The following ALG6 variants were observed in gnomAD, a reference collection of about 807,000 sequenced individuals.
ALG6 encodes the protein dolichyl pyrophosphate Man9GlcNAc2 alpha-1,3-glucosyltransferase.
A neutral mutation model predicts 66.6 loss-of-function variants in ALG6; 46 were observed. The ratio of observed to expected loss-of-function variants is 0.69; its 90% CI spans 0.55 to 0.88. The LOEUF is 0.88. Ranked by LOEUF, ALG6 falls within the 40% of genes least tolerant of loss-of-function variation. The probability of loss-of-function intolerance (pLI) is 0.00; values close to 1 mark genes in which losing one functional copy is unlikely to be tolerated. For synonymous variants in ALG6, 185 were observed against 203.7 expected (o/e 0.91, Z 0.78); for missense variants, 505 against 586.8 (o/e 0.86, Z 1.44).
Position 63,382,665 on chromosome 1 carries a change from GTTT to G in ALG6, c.82+11617_82+11619del, listed in dbSNP as rs59236936. ...AGTTTTTTTTTGTTTGTTTTTTTTT[GTTT>G]TTTTTTTTTTGTTTTTTTTTTTTTT... On this transcript the variant is annotated intron_variant, in intron 2 of 14. Coordinates refer to ENST00000263440, the MANE Select transcript of ALG6 (RefSeq NM_013339.4). Among the ~76,000 whole-genome samples the G allele has an allele frequency of 1.7e-4, 16 of 93,596 alleles. 1 individual carries two copies. The highest frequency in any genetic ancestry group is 9.2e-4 in the South Asian group (3 of 3,260). The allele number at this position is 93,596 out of a possible 152,430, so 61.4% of individuals were successfully genotyped here.
At chr1:63,404,403 G>C in intron 4 of ALG6, 50 bp from the exon 5 acceptor site, 1 of 1,397,238 alleles carries the variant, frequency 7.2e-7, no homozygotes, top group Non-Finnish European at 1.0e-6. Flanking sequence ...TATCTTTATT[G>C]CTAAAAGGGA....
chr1:63,382,002 T>A (rs141521718), intron 2 of ALG6, among the ~76,000 whole-genome samples: 1 of 152,140 alleles, frequency 6.6e-6, no homozygotes, highest in South Asian at 2.1e-4. Flanking sequence ...AGCCTCCCAA[T>A]AGAAATGCAT....
At chr1:63,436,332 T>G (rs1445664571) in intron 14 of ALG6, among the ~76,000 whole-genome samples, 3 of 152,176 alleles carry the variant, frequency 2.0e-5, no homozygotes, top group Non-Finnish European at 4.4e-5. Context: ...CTAGCTATTT[T>G]AAAATGTACA....
chr1:63,436,720 C>T, intron 14 of ALG6, 103 bp from the exon 15 acceptor site: 1 of 1,137,882 alleles, frequency 8.8e-7, no homozygotes, highest in Non-Finnish European at 1.3e-6. Flanking sequence ...AGACCCTCAA[C>T]CCTCACCTTT....
chr1:63,422,634 T>C (rs1349018891), intron 12 of ALG6, among the ~76,000 whole-genome samples: 1 of 151,314 alleles, frequency 6.6e-6, no homozygotes, highest in Non-Finnish European at 1.5e-5. Flanking sequence ...GGTGGAGCAA[T>C]GCACGGAGAA....
rs931596212 is a variant in ALG6 at position 63,378,025 on chromosome 1, T to G, written c.82+6966T>G. 2.2e-4 allele frequency among the ~76,000 whole-genome samples: 33 copies of G among 152,238 alleles called. 1 individual carries two copies. Among genetic ancestry groups the G allele is most frequent in the Admixed American group, 9.8e-4 (15 of 15,282 alleles). ...CCCGAAGTGCTGGGATGACAGGTTG[T>G]GAGCCACTGTGCCCTGCATATTTAT... On this transcript the variant is annotated intron_variant, in intron 2 of 14. Coordinates refer to ENST00000263440, the MANE Select transcript of ALG6 (RefSeq NM_013339.4).
At position 63,438,285 on chromosome 1, in the gene ALG6, G is replaced by A. The variant is rs1360716572; in HGVS notation, c.*1265G>A. The A allele has an allele frequency of 6.6e-6, 1 of 152,172 alleles. No homozygotes were observed. Among genetic ancestry groups the A allele is most frequent in the East Asian group, 1.9e-4 (1 of 5,192 alleles). The allele number at this position is 152,172 out of a possible 1,614,324, so 9.4% of individuals were successfully genotyped here. Reference sequence around the variant, plus strand: ...ATGTGCATAAAGACTCAAAGGGCAGGTCAACGCAGAATAGCAGCCTTGAAT... The same window carrying A: ...ATGTGCATAAAGACTCAAAGGGCAGATCAACGCAGAATAGCAGCCTTGAAT... On this transcript the variant is annotated 3_prime_UTR_variant, in exon 15 of 15. Transcript: ENST00000263440.
chr1:63,420,962 T>A (rs546722478), intron 12 of ALG6, among the ~76,000 whole-genome samples: 1 of 152,162 alleles, frequency 6.6e-6, no homozygotes, highest in African/African-American at 2.4e-5. Flanking sequence ...TTGAGTGCCT[T>A]CTATTTATCA....
chr1:63,436,844 A>G lies in ALG6; in HGVS notation c.1348A>G (p.Met450Val), dbSNP rs769923186. The change falls in exon 15 of 15, where the codon ATG becomes GTG. Residue 450 changes from methionine to valine, a missense_variant. Met to Val is a conservative substitution (Grantham distance 21). Transcript: ENST00000263440. The stretch of plus-strand genomic sequence containing the variant: ...GCAGTTTCTTATCTCAGTCATCACT[A>G]TGGTGCTTCTGACGTTGATGACTGT... ...QYLFLISVIT[M>V]VLLTLMTVTL... 1.2e-6 allele frequency: 2 copies of G among 1,613,788 alleles called. No homozygotes were observed. The highest frequency in any genetic ancestry group is 2.2e-5 in the South Asian group (2 of 91,086).
At chr1:63,388,770 T>A (rs375614508) in intron 2 of ALG6, among the ~76,000 whole-genome samples, 14 of 152,328 alleles carry the variant, frequency 9.2e-5, no homozygotes, top group African/African-American at 2.2e-4. Context: ...GTTGATGAAA[T>A]CCCTCAGCGT....
chr1:63,402,385 C>T lies in ALG6; in HGVS notation c.257+42C>T, dbSNP rs191513984. ...TAATGTAACTCTAAATTTTTATGCC[C>T]TTGGCAGATTTAGTAAGAAGCAGTG... is the stretch of plus-strand genomic sequence containing the variant. On this transcript the variant is annotated intron_variant, in intron 4 of 14. Transcript: ENST00000263440. 2.8e-4 allele frequency: 382 copies of T among 1,362,866 alleles called. 2 individuals carry two copies. In the African/African-American group the frequency reaches 4.9e-3, roughly 17 times the overall value. The allele number at this position is 1,362,866 out of a possible 1,614,324, so 84.4% of individuals were successfully genotyped here.
Position 63,396,584 on chromosome 1 carries a change from C to G in ALG6, c.154C>G (p.Pro52Ala). The G allele has an allele frequency of 1.2e-6, 2 of 1,613,114 alleles. No homozygotes were observed. Among genetic ancestry groups the G allele is most frequent in the Non-Finnish European group, 1.7e-6 (2 of 1,179,242 alleles). ...CTGGCAAGAAATAACTTTTAATTTA[C>G]CGGTCAAACAATGGTATGATAATTT... is the stretch of plus-strand genomic sequence containing the variant. ...RHWQEITFNL[P>A]VKQWYFNSSD... The change falls in exon 3 of 15, where the codon CCG becomes GCG. Residue 52 changes from proline (P) to alanine (A), a missense_variant. Transcript: ENST00000263440.
At chr1:63,408,127 T>A (rs1255428581) in intron 7 of ALG6, among the ~76,000 whole-genome samples, 1 of 152,124 alleles carries the variant, frequency 6.6e-6, no homozygotes, top group Non-Finnish European at 1.5e-5. Flanking sequence ...AATAGAACAT[T>A]ACTAGTATCC....
At chr1:63,374,656 T>C (rs951902689) in intron 2 of ALG6, among the ~76,000 whole-genome samples, 3 of 151,912 alleles carry the variant, frequency 2.0e-5, no homozygotes, top group Non-Finnish European at 4.4e-5. Flanking sequence ...CTTGTGAGGA[T>C]TGAGATAATA....
chr1:63,395,350 T>G (rs1318402277), intron 2 of ALG6, among the ~76,000 whole-genome samples: 3 of 152,232 alleles, frequency 2.0e-5, no homozygotes, highest in African/African-American at 7.2e-5. Flanking sequence ...TTTTAACATA[T>G]AGTCTGTTTT....
Position 63,429,057 on chromosome 1 carries a change from A to G in ALG6, c.1257A>G (p.Lys419=). 6.2e-7 allele frequency: 1 copy of G among 1,606,098 alleles called. No individual in the cohort carries two copies. The highest frequency in any genetic ancestry group is 1.3e-5 in the African/African-American group (1 of 74,682). ...CTTCTGAAGAAGAACTGCAGTTGAA[A>G]TCCTTTTCCATTTCTGTGAGGAAAT... The part of the protein sequence containing the change: ...EKTSEEELQL[K]SFSISVRKYL... Residue 419 remains lysine, a synonymous_variant, in exon 14 of 15, where the codon AAA becomes AAG. Coordinates refer to ENST00000263440, the MANE Select transcript of ALG6 (RefSeq NM_013339.4).
chr1:63,418,231 T>G (rs1490692122), intron 11 of ALG6, among the ~76,000 whole-genome samples: 1 of 150,628 alleles, frequency 6.6e-6, no homozygotes, highest in East Asian at 1.9e-4. Context: ...TAGAGAAGGT[T>G]TCTATAGTTT....
rs372079206 is a variant in ALG6 at position 63,411,331 on chromosome 1, G to A, written c.680G>A (p.Gly227Glu). The A allele has an allele frequency of 1.2e-5, 19 of 1,612,960 alleles. No individual in the cohort carries two copies. The highest frequency in any genetic ancestry group is 2.7e-5 in the African/African-American group (2 of 74,814). Reference sequence around the variant, plus strand: ...TTTAAAAAAGGCCTCAAAGGAAAGGGGTGAGTGACTTTTAAACACTAGAAT... The same window carrying A: ...TTTAAAAAAGGCCTCAAAGGAAAGGAGTGAGTGACTTTTAAACACTAGAAT... ...KCFKKGLKGK[G>E]FVLLVKLACI... is the part of the protein sequence containing the mutation. The change falls in exon 8 of 15, where the codon GGG becomes GAG. Residue 227 changes from glycine (G) to glutamate (E), a missense_variant and splice_region_variant. Gly to Glu is a moderately conservative substitution (Grantham distance 98). Coordinates refer to ENST00000263440, the MANE Select transcript of ALG6 (RefSeq NM_013339.4).
chr1:63,399,756 G>A (rs1031724530), intron 3 of ALG6, among the ~76,000 whole-genome samples: 3 of 151,844 alleles, frequency 2.0e-5, no homozygotes, highest in Non-Finnish European at 4.4e-5. Flanking sequence ...AAAGTTAATG[G>A]TAACACTCTT....
Sources: gnomAD v4.1 joint callset for allele counts (sites outside exome capture counted in the v4.1 genomes callset) on GRCh38, gnomAD v4.1.1 for gene constraint, MANE v1.5 for transcripts, NCBI Gene and HGNC (gene_info 2026-07-23, HGNC 2026-07-21) for gene names.